Variants in ANXA8 observed in about 807,000 individuals in gnomAD.
ANXA8 encodes annexin A8.
A neutral mutation model predicts 26.8 loss-of-function variants in ANXA8; 9 were observed. That is an observed-to-expected ratio of 0.34 (90% confidence interval 0.20 to 0.59). The LOEUF (loss-of-function observed/expected upper bound fraction) is 0.59. ANXA8 is among the 20% of genes least tolerant of loss of function. ANXA8 has a pLI of 0.84. For synonymous variants in ANXA8, 39 were observed against 94.8 expected (o/e 0.41, Z 3.42); for missense variants, 83 against 238.5 (o/e 0.35, Z 4.29).
At chr10:47,957,972 A>G in the ANXA8 span, among the ~76,000 whole-genome samples, 3 of 150,596 alleles carry the variant, frequency 2.0e-5, no homozygotes, top group Non-Finnish European at 4.4e-5. Flanking sequence ...TTACCCGAAG[A>G]TCCTTAATTT....
the ANXA8 span, among the ~76,000 whole-genome samples, chr10:47,512,380 AT>A: frequency 7.2e-6 from 1 of 138,682 alleles, no homozygotes; most frequent in African/African-American, 2.6e-5. Context: ...GGTTAGGTCT[AT>A]TCCGAAGTAC....
chr10:47,944,074 G>A, the ANXA8 span, among the ~76,000 whole-genome samples: 18 of 147,132 alleles, frequency 1.2e-4, 3 homozygotes, highest in Admixed American at 3.4e-4. Context: ...CACGTGGCAC[G>A]TGGACAACAT....
At chr10:47,693,968 G>C in the ANXA8 span, among the ~76,000 whole-genome samples, 1 of 151,832 alleles carries the variant, frequency 6.6e-6, no homozygotes, top group Non-Finnish European at 1.5e-5. Context: ...GACTGTAAAA[G>C]AGGGCTGGAT....
chr10:47,761,102 GCACACACACACA>G, the ANXA8 span, among the ~76,000 whole-genome samples: 12 of 145,576 alleles, frequency 8.2e-5, no homozygotes, highest in African/African-American at 2.3e-4. Flanking sequence ...ACACACACAC[GCACACACACACA>G]CACACACACA....
chr10:47,979,965 G>A, the ANXA8 span, among the ~76,000 whole-genome samples: 1 of 151,832 alleles, frequency 6.6e-6, no homozygotes, highest in African/African-American at 2.4e-5. Flanking sequence ...TTTGTGTTAG[G>A]TGCAAATTTG....
At chr10:47,984,426 GTT>G in the ANXA8 span, among the ~76,000 whole-genome samples, 12 of 143,722 alleles carry the variant, frequency 8.3e-5, 1 homozygote, top group Non-Finnish European at 1.8e-4. Flanking sequence ...TTTCTCCACT[GTT>G]TACGTTTTAC....
chr10:47,670,032 A>C, the ANXA8 span, among the ~76,000 whole-genome samples: 1 of 150,600 alleles, frequency 6.6e-6, no homozygotes, highest in Non-Finnish European at 1.5e-5. Flanking sequence ...TCCCTCCCCC[A>C]GCCCCTGGAA....
the ANXA8 span, among the ~76,000 whole-genome samples, chr10:47,971,028 C>T: frequency 3.2e-3 from 483 of 151,464 alleles, 3 homozygotes; most frequent in African/African-American, 0.011. Flanking sequence ...CTGCCACCTT[C>T]GTGCTATGTG....
At chr10:47,942,518 T>A in the ANXA8 span, among the ~76,000 whole-genome samples, 1 of 139,240 alleles carries the variant, frequency 7.2e-6, no homozygotes, top group Non-Finnish European at 1.5e-5. Flanking sequence ...TGCTGGCTGA[T>A]CTAGTTGCCA....
chr10:47,676,877 G>A, the ANXA8 span, among the ~76,000 whole-genome samples: 1 of 146,716 alleles, frequency 6.8e-6, no homozygotes, highest in African/African-American at 2.6e-5. Flanking sequence ...GAGATCATGT[G>A]CCACTGCACT....
At chr10:47,555,118 C>CCT in the ANXA8 span, among the ~76,000 whole-genome samples, 1 of 151,296 alleles carries the variant, frequency 6.6e-6, no homozygotes, top group African/African-American at 2.4e-5. Context: ...TCCTATGCTC[C>CCT]CTCGCCTGGC....
the ANXA8 span, among the ~76,000 whole-genome samples, chr10:47,685,163 A>T: frequency 6.6e-6 from 1 of 150,596 alleles, no homozygotes; most frequent in Non-Finnish European, 1.5e-5. Context: ...CCTGACTTAC[A>T]TGGAGAAATC....
the ANXA8 span, among the ~76,000 whole-genome samples, chr10:47,536,817 A>C: frequency 1.3e-3 from 164 of 124,638 alleles, 43 homozygotes; most frequent in African/African-American, 5.7e-3. Flanking sequence ...CACAACAAAT[A>C]TTTGATTAAG....
At chr10:47,756,403 G>A in the ANXA8 span, among the ~76,000 whole-genome samples, 10 of 124,318 alleles carry the variant, frequency 8.0e-5, no homozygotes, top group South Asian at 3.2e-4. Context: ...ACTGCCCTGC[G>A]GCCCAGGCGG....
chr10:47,733,201 C>CTT, the ANXA8 span, among the ~76,000 whole-genome samples: 1 of 89,276 alleles, frequency 1.1e-5, no homozygotes, highest in South Asian at 4.2e-4. Context: ...TTCTTTCTTT[C>CTT]TTTCTTTCTT....
chr10:47,561,416 T>C, the ANXA8 span, among the ~76,000 whole-genome samples: 15 of 151,794 alleles, frequency 9.9e-5, 2 homozygotes. Flanking sequence ...AAATGTGTAA[T>C]CTATTATTAT....
the ANXA8 span, among the ~76,000 whole-genome samples, chr10:47,620,509 A>G: frequency 2.3e-5 from 2 of 85,610 alleles, 1 homozygote; most frequent in Non-Finnish European, 5.0e-5. Flanking sequence ...TCCTATAATT[A>G]TGAAAATAAT....
chr10:47,748,332 C>T, the ANXA8 span, among the ~76,000 whole-genome samples: 1 of 145,538 alleles, frequency 6.9e-6, no homozygotes, highest in Non-Finnish European at 1.5e-5. Context: ...CTGCCTCAGT[C>T]TCCCGAATAG....
chr10:47,985,737 A>T, the ANXA8 span: 11 of 15,192 alleles, frequency 7.2e-4, 2 homozygotes, highest in Non-Finnish European at 1.7e-3. Context: ...AGCAACTATT[A>T]AAAAAAAAAA....
Sources: gnomAD v4.1 joint callset for allele counts (sites outside exome capture counted in the v4.1 genomes callset) on GRCh38, gnomAD v4.1.1 for gene constraint, MANE v1.5 for transcripts, NCBI Gene and HGNC (gene_info 2026-07-23, HGNC 2026-07-21) for gene names.